The following EXOSC2 variants were observed in gnomAD, a reference collection of about 807,000 sequenced individuals.
The protein encoded by EXOSC2 is exosome component 2.
In EXOSC2, 29 loss-of-function variants were observed where a neutral mutation model predicts 37.6. The ratio of observed to expected loss-of-function variants is 0.77; its 90% CI spans 0.57 to 1.05. The LOEUF (loss-of-function observed/expected upper bound fraction) is 1.05. Ranked by LOEUF, EXOSC2 falls within the 50% of genes least tolerant of loss-of-function variation. The pLI is 0.00. For missense variants in EXOSC2, 346 were observed against 365.6 expected, an observed-to-expected ratio of 0.95 and a Z score of 0.44; for synonymous variants, 119 against 131.1, an observed-to-expected ratio of 0.91 and a Z score of 0.63.
At position 130,697,803 on chromosome 9, in the gene EXOSC2, T is replaced by TA. The variant is rs922280436; in HGVS notation, c.270+176_270+177insA. On this transcript the variant is annotated intron_variant, in intron 3 of 8. Transcript: ENST00000372358. Reference sequence around the variant, plus strand: ...ATTTCAGATTACTGGTTCATGTTTTTTTTTTTTTGAGATGGAGTCTCGCTC... The same window carrying TA: ...ATTTCAGATTACTGGTTCATGTTTTTATTTTTTTTGAGATGGAGTCTCGCTC... The TA allele has an allele frequency of 4.7e-6, 3 of 643,976 alleles. No homozygotes were observed. In the African/African-American group the frequency reaches 5.5e-5, roughly 12 times the overall value. 39.9% of individuals were successfully genotyped at this position (643,976 alleles called of 1,614,324 possible). A position where few individuals can be genotyped will look rare whatever the true frequency, so the allele number is the denominator to read the frequency against.
chr9:130,700,845 G>T, intron 5 of EXOSC2, 22 bp from the exon 6 acceptor site: 1 of 1,613,592 alleles, frequency 6.2e-7, no homozygotes. Flanking sequence ...GCTGCTGTTT[G>T]TTCCTTCATC....
At chr9:130,703,247 C>T (rs1446148791) in intron 8 of EXOSC2, 66 bp downstream of exon 8, 4 of 1,529,832 alleles carry the variant, frequency 2.6e-6, no homozygotes, top group African/African-American at 1.4e-5. Flanking sequence ...TGTTCAGAGA[C>T]AATATGCACA....
intron 6 of EXOSC2, chr9:130,701,156 T>C (rs1327427431): frequency 2.1e-5 from 10 of 465,752 alleles, no homozygotes; most frequent in African/African-American, 1.4e-4. Flanking sequence ...AGTTTTATCC[T>C]TTTTCTCCAA....
In EXOSC2 at chr9:130,704,818, T is replaced by A. The variant is rs1208902560; in HGVS notation, c.*1044T>A. On this transcript the variant is annotated 3_prime_UTR_variant, in exon 9 of 9. Transcript: ENST00000372358. ...TGTGGAGCATTAACTTGTGGATGAT[T>A]CAGAGTTAAAAGATAAAAAGACGCC... 6.6e-6 allele frequency: 1 copy of A among 152,170 alleles called. No individual in the cohort carries two copies. Among genetic ancestry groups the A allele is most frequent in the African/African-American group, 2.4e-5 (1 of 41,434 alleles). The allele number at this position is 152,170 out of a possible 1,614,324, so 9.4% of individuals were successfully genotyped here.
rs1007449893 is a variant in EXOSC2 at position 130,698,419 on chromosome 9, G to A, written c.360+168G>A. On this transcript the variant is annotated intron_variant, in intron 4 of 8. Coordinates refer to ENST00000372358, the MANE Select transcript of EXOSC2 (RefSeq NM_014285.7). The surrounding 1 kb of genome is among the most constrained non-coding windows in gnomAD (Gnocchi z 4.1). ...GATGTGTATGTAGACTTTTCACCCT[G>A]TCCAGGTCTCCCGAAAGAGGGAGCA... Among the ~76,000 whole-genome samples the A allele has an allele frequency of 9.2e-5, 14 of 152,194 alleles. No homozygotes were observed. The highest frequency in any genetic ancestry group is 3.1e-4 in the African/African-American group (13 of 41,448).
At chr9:130,702,634 G>T (rs534780276) in intron 7 of EXOSC2, among the ~76,000 whole-genome samples, 1 of 151,928 alleles carries the variant, frequency 6.6e-6, no homozygotes, top group Non-Finnish European at 1.5e-5. Flanking sequence ...TTGCTCTGTC[G>T]CCCAGGCTGG....
At position 130,703,763 on chromosome 9, in the gene EXOSC2, C is replaced by G; in HGVS notation, c.871C>G (p.Gln291Glu). 2 of 1,613,590 alleles carry G rather than the reference C, an allele frequency of 1.2e-6. No homozygotes were observed. Among genetic ancestry groups the G allele is most frequent in the Non-Finnish European group, 8.5e-7 (1 of 1,179,692 alleles). ...GGAAACACGCCAGAGGCTTTTGGAACAGGAGGGATAAGGAGGTGCTCCAGA... is the reference window on the plus strand; with the variant it reads ...GGAAACACGCCAGAGGCTTTTGGAAGAGGAGGGATAAGGAGGTGCTCCAGA... ...VMETRQRLLE[Q>E]EG The change falls in exon 9 of 9, where the codon CAG becomes GAG. Residue 291 changes from glutamine (Q) to glutamate (E), a missense_variant. Coordinates refer to ENST00000372358, the MANE Select transcript of EXOSC2 (RefSeq NM_014285.7).
chr9:130,699,405 C>T lies in EXOSC2; in HGVS notation c.426+11C>T. On this transcript the variant is annotated intron_variant, in intron 5 of 8. Coordinates refer to ENST00000372358, the MANE Select transcript of EXOSC2 (RefSeq NM_014285.7). ...GGGGACCTTATCAGTGTATCCTGCGCTTTGCACTCCAGCCTCTTGATGCTT... is the reference window on the plus strand; with the variant it reads ...GGGGACCTTATCAGTGTATCCTGCGTTTTGCACTCCAGCCTCTTGATGCTT... 1 of 1,613,640 alleles carries T rather than the reference C, an allele frequency of 6.2e-7. No homozygotes were observed. Among genetic ancestry groups the T allele is most frequent in the South Asian group, 1.1e-5 (1 of 91,066 alleles).
chr9:130,699,412 C>G lies in EXOSC2; in HGVS notation c.426+18C>G. The G allele has an allele frequency of 1.2e-6, 2 of 1,612,798 alleles. No individual in the cohort carries two copies. The highest frequency in any genetic ancestry group is 1.7e-6 in the Non-Finnish European group (2 of 1,178,752). On this transcript the variant is annotated intron_variant, in intron 5 of 8. Coordinates refer to ENST00000372358, the MANE Select transcript of EXOSC2 (RefSeq NM_014285.7). ...TTATCAGTGTATCCTGCGCTTTGCA[C>G]TCCAGCCTCTTGATGCTTTTCTGTG... is the stretch of plus-strand genomic sequence containing the variant.
chr9:130,694,909 C>G lies in EXOSC2; in HGVS notation c.123-583C>G, dbSNP rs1292086573. Among the ~76,000 whole-genome samples the G allele has an allele frequency of 6.6e-6, 1 of 151,144 alleles. No individual in the cohort carries two copies. The highest frequency in any genetic ancestry group is 1.5e-5 in the Non-Finnish European group (1 of 67,866). On this transcript the variant is annotated intron_variant, in intron 1 of 8. Transcript: ENST00000372358. This position sits in a 1 kb window ranked among gnomAD's most constrained non-coding sequence, Gnocchi z 4.0. ...TTTTTTTAGTAGAGACAGGGTTTCA[C>G]TGTGTTGGCCAGGCTGGTCTCGATC... is the stretch of plus-strand genomic sequence containing the variant.
chr9:130,703,132 T>C lies in EXOSC2; in HGVS notation c.752T>C (p.Leu251Pro), dbSNP rs566092143. The C allele has an allele frequency of 1.1e-5, 18 of 1,614,050 alleles. No individual in the cohort carries two copies. In the South Asian group the frequency reaches 2.0e-4, roughly 18 times the overall value. Reference protein sequence around the residue: ...IISLVTQRMMLYDTSILYCYE... With the variant: ...IISLVTQRMMPYDTSILYCYE... ...TCGCTGGTAACTCAGAGGATGATGC[T>C]GTATGATACCAGCATCCTGTACTGC... Residue 251 changes from leucine to proline, a missense_variant, in exon 8 of 9, where the codon CTG becomes CCG. By Grantham distance (98) the Leu-to-Pro change is moderately conservative. Coordinates refer to ENST00000372358, the MANE Select transcript of EXOSC2 (RefSeq NM_014285.7).
intron 2 of EXOSC2, among the ~76,000 whole-genome samples, chr9:130,697,314 G>A (rs1831117858): frequency 1.3e-5 from 2 of 152,238 alleles, no homozygotes; most frequent in African/African-American, 4.8e-5. Flanking sequence ...TCATTGTCGT[G>A]TAATCGAACA....
Position 130,698,247 on chromosome 9 carries a change from A to T in EXOSC2, c.356A>T (p.Glu119Val). 1 of 1,613,680 alleles carries T rather than the reference A, an allele frequency of 6.2e-7. No individual in the cohort carries two copies. Among genetic ancestry groups the T allele is most frequent in the African/African-American group, 1.3e-5 (1 of 74,966 alleles). ...LLSSMNLPGG[E>V]LRRRSAEDEL... ...TCGTCCATGAACCTTCCTGGAGGAGAGCTGGTAAGGGCTACAGCTGGGGCC... is the reference window on the plus strand; with the variant it reads ...TCGTCCATGAACCTTCCTGGAGGAGTGCTGGTAAGGGCTACAGCTGGGGCC... Residue 119 changes from glutamate to valine, a missense_variant, in exon 4 of 9, where the codon GAG becomes GTG. Transcript: ENST00000372358. This position sits in a 1 kb window ranked among gnomAD's most constrained non-coding sequence, Gnocchi z 4.1.
chr9:130,699,033 G>A (rs950877420), intron 4 of EXOSC2, among the ~76,000 whole-genome samples: 1 of 152,162 alleles, frequency 6.6e-6, no homozygotes, highest in African/African-American at 2.4e-5. Context: ...GACCACAGAG[G>A]GCTGTCATGG....
At position 130,695,564 on chromosome 9, in the gene EXOSC2, G is replaced by T. The variant is rs199841784; in HGVS notation, c.195G>T (p.Lys65Asn). 1.2e-4 allele frequency: 190 copies of T among 1,614,080 alleles called. 1 individual carries two copies. Among genetic ancestry groups the T allele is most frequent in the Non-Finnish European group, 1.6e-4 (184 of 1,180,038 alleles). Residue 65 changes from lysine (K) to asparagine (N), a missense_variant, in exon 2 of 9, where the codon AAG becomes AAT. Physicochemically the swap from Lys to Asn is moderately conservative, Grantham distance 94 (BLOSUM62 0). Coordinates refer to ENST00000372358, the MANE Select transcript of EXOSC2 (RefSeq NM_014285.7). The stretch of plus-strand genomic sequence containing the variant: ...CTGGCTCTGTGGAGAGAGTAAACAA[G>T]TTGATCTGTGTGAAAGCTTTGAAAA... ...SVAGSVERVN[K>N]LICVKALKTR...
chr9:130,703,822 C>T lies in EXOSC2; in HGVS notation c.*48C>T. Reference sequence around the variant, plus strand: ...ACTGTGGACCTTGCAGGAGTGAAGACTGTGATGTGTGGTCCCCATATGTGG... The same window carrying T: ...ACTGTGGACCTTGCAGGAGTGAAGATTGTGATGTGTGGTCCCCATATGTGG... On this transcript the variant is annotated 3_prime_UTR_variant, in exon 9 of 9. Coordinates refer to ENST00000372358, the MANE Select transcript of EXOSC2 (RefSeq NM_014285.7). 1 of 1,463,806 alleles carries T rather than the reference C, an allele frequency of 6.8e-7. No individual in the cohort carries two copies. The highest frequency in any genetic ancestry group is 1.4e-5 in the African/African-American group (1 of 71,524). 90.7% of individuals were successfully genotyped at this position (1,463,806 alleles called of 1,614,324 possible).
intron 2 of EXOSC2, 72 bp downstream of exon 2, chr9:130,695,665 CT>C: frequency 7.5e-7 from 1 of 1,333,088 alleles, no homozygotes; most frequent in Non-Finnish European, 1.1e-6. Context: ...CTGCCCCCTC[CT>C]TATCCCCCAC....
intron 6 of EXOSC2, chr9:130,701,825 C>A: frequency 9.0e-7 from 1 of 1,114,544 alleles, no homozygotes; most frequent in Non-Finnish European, 1.1e-6. Context: ...GGCTCCAGCT[C>A]ACTTCCTCAT....
chr9:130,697,214 T>C (rs1227163088), intron 2 of EXOSC2, among the ~76,000 whole-genome samples: 1 of 152,206 alleles, frequency 6.6e-6, no homozygotes, highest in Non-Finnish European at 1.5e-5. Context: ...AGCAGACTTG[T>C]GTGGTTGGAG....
Sources: allele counts gnomAD v4.1 joint callset (sites outside exome capture counted in the v4.1 genomes callset), GRCh38; gene constraint gnomAD v4.1.1; non-coding constraint Gnocchi (gnomAD v3.1); transcripts MANE v1.5; gene names NCBI Gene and HGNC (gene_info 2026-07-23, HGNC 2026-07-21).